TOPBP1: variants seen among roughly 807,000 people sequenced by gnomAD.
TOPBP1 encodes DNA topoisomerase 2-binding protein 1.
A neutral mutation model predicts 167.7 loss-of-function variants in TOPBP1; 28 were observed. That is an observed-to-expected ratio of 0.17 (90% confidence interval 0.12 to 0.23). The LOEUF (loss-of-function observed/expected upper bound fraction) is 0.23, where lower values mean the gene tolerates loss of function less well. Ranked by LOEUF, TOPBP1 falls within the 10% of genes least tolerant of loss-of-function variation. The pLI is 1.00. For synonymous variants in TOPBP1, 598 were observed against 611.4 expected (o/e 0.98, Z 0.32); for missense variants, 1,554 against 1,809.6 (o/e 0.86, Z 2.56).
At chr3:133,621,044 C>CA (rs1662591597) in intron 19 of TOPBP1, among the ~76,000 whole-genome samples, 1 of 152,118 alleles carries the variant, frequency 6.6e-6, no homozygotes, top group African/African-American at 2.4e-5. Flanking sequence ...CAGAGTCTTG[C>CA]TCTGTGGCCC....
chr3:133,620,220 T>A lies in TOPBP1; in HGVS notation c.3306A>T (p.Ala1102=). Residue 1102 remains alanine (A), a synonymous_variant, in exon 20 of 28, where the codon GCA becomes GCT. Coordinates refer to ENST00000260810, the MANE Select transcript of TOPBP1 (RefSeq NM_007027.4). ...AGCGAGTGCTGTCAGGGGTTGAAGA[T>A]GCGCTGTTACAACCACTTCTTGAAA... ...TSLSRSGCNS[A]SSTPDSTRSA... is the part of the protein sequence containing the mutation. 1 of 1,613,938 alleles carries A rather than the reference T, an allele frequency of 6.2e-7. No homozygotes were observed. Among genetic ancestry groups the A allele is most frequent in the Non-Finnish European group, 8.5e-7 (1 of 1,179,860 alleles).
chr3:133,639,570 A>G (rs905118806), intron 13 of TOPBP1, among the ~76,000 whole-genome samples: 8 of 152,204 alleles, frequency 5.3e-5, no homozygotes, highest in Admixed American at 3.3e-4. Flanking sequence ...CATATTGTGC[A>G]CATGTACCCC....
At chr3:133,610,878 A>C in intron 25 of TOPBP1, 126 bp downstream of exon 25, 1 of 1,089,926 alleles carries the variant, frequency 9.2e-7, no homozygotes, top group Non-Finnish European at 1.3e-6. Context: ...AAGAGCCATC[A>C]AAAATTTGGG....
In TOPBP1 at chr3:133,626,654, T is replaced by C. The variant is rs576242125; in HGVS notation, c.2804+1708A>G. On this transcript the variant is annotated intron_variant, in intron 16 of 27. Coordinates refer to ENST00000260810, the MANE Select transcript of TOPBP1 (RefSeq NM_007027.4). Reference sequence around the variant, plus strand: ...CAGATCGGTCTCAGCCTTGGGACTGTTGGATTTGTGGTGCCTTTACATAGG... The same window carrying C: ...CAGATCGGTCTCAGCCTTGGGACTGCTGGATTTGTGGTGCCTTTACATAGG... Among the ~76,000 whole-genome samples the C allele has an allele frequency of 3.3e-5, 5 of 152,270 alleles. No individual in the cohort carries two copies. In the South Asian group the frequency reaches 1.0e-3, roughly 32 times the overall value.
In TOPBP1 at chr3:133,659,108, T is replaced by C. The variant is rs756206257; in HGVS notation, c.127A>G (p.Thr43Ala). ...TTTATCTTCAATGCCTCTTCTTCTG[T>C]AATAATCTGAAGATATTCTTCTGAT... ...FQSEEYLQII[T>A]EEEALKIKEN... Residue 43 changes from threonine (T) to alanine (A), a missense_variant, in exon 3 of 28, where the codon ACA (threonine) becomes GCA (alanine). This residue lies in a region of TOPBP1 where 1,197 missense variants were observed against 1,351.5 expected (regional missense o/e 0.89). Coordinates refer to ENST00000260810, the MANE Select transcript of TOPBP1 (RefSeq NM_007027.4). The C allele has an allele frequency of 7.6e-6, 12 of 1,584,784 alleles. No individual in the cohort carries two copies. Among genetic ancestry groups the C allele is most frequent in the Admixed American group, 3.6e-5 (2 of 55,052 alleles).
intron 13 of TOPBP1, 32 bp downstream of exon 13, chr3:133,639,927 T>C: frequency 1.9e-6 from 3 of 1,588,740 alleles, no homozygotes; most frequent in Non-Finnish European, 8.6e-7. Flanking sequence ...TAGTTGTAAA[T>C]ATATATAAAA....
At chr3:133,640,631 G>A (rs932706688) in intron 12 of TOPBP1, among the ~76,000 whole-genome samples, 4 of 151,856 alleles carry the variant, frequency 2.6e-5, no homozygotes, top group African/African-American at 9.7e-5. Flanking sequence ...GCCTGGTCTC[G>A]AACTCCTGAG....
intron 24 of TOPBP1, 133 bp downstream of exon 24, chr3:133,612,256 T>A (rs547516307): frequency 3.0e-4 from 279 of 940,638 alleles, no homozygotes; most frequent in Middle Eastern, 2.5e-3. Flanking sequence ...GCCAGGCATG[T>A]CTCGAACTCC....
intron 10 of TOPBP1, among the ~76,000 whole-genome samples, chr3:133,646,651 CAAA>C (rs561099781): frequency 4.0e-5 from 4 of 100,278 alleles, no homozygotes; most frequent in African/African-American, 6.9e-5. Context: ...ACCCTGTCTC[CAAA>C]AAAAAAAAAA....
At chr3:133,653,732 C>T (rs1378816585) in intron 6 of TOPBP1, among the ~76,000 whole-genome samples, 1 of 151,416 alleles carries the variant, frequency 6.6e-6, no homozygotes, top group East Asian at 1.9e-4. Flanking sequence ...CCTGATCAAG[C>T]GATTCTCCTG....
rs547465280 is a variant in TOPBP1 at position 133,652,174 on chromosome 3, A to C, written c.1089+289T>G. Among the ~76,000 whole-genome samples, 5 of 152,314 alleles carry C rather than the reference A, an allele frequency of 3.3e-5. No homozygotes were observed. The South Asian group carries it at 8.3e-4, about 25-fold the overall frequency. ...AATCCAATAAGTTGTTCAGAAACTA[A>C]GTGCTCTCGAAATATAGCAGATGAA... On this transcript the variant is annotated intron_variant, in intron 8 of 27. Coordinates refer to ENST00000260810, the MANE Select transcript of TOPBP1 (RefSeq NM_007027.4).
At chr3:133,609,977 T>C (rs1421863344) in intron 25 of TOPBP1, among the ~76,000 whole-genome samples, 2 of 152,218 alleles carry the variant, frequency 1.3e-5, no homozygotes, top group African/African-American at 4.8e-5. Flanking sequence ...AATTAAAATA[T>C]AAAGGATTAC....
chr3:133,655,365 C>A lies in TOPBP1; in HGVS notation c.667G>T (p.Val223Phe), dbSNP rs759232474. 5 of 1,608,388 alleles carry A rather than the reference C, an allele frequency of 3.1e-6. No homozygotes were observed. Among genetic ancestry groups the A allele is most frequent in the African/African-American group, 1.3e-5 (1 of 74,656 alleles). Reference sequence around the variant, plus strand: ...CCCATGTATTGACCTCCATGCTTAACTGTGAGTTGCTGAACTTCTTTCCTG... The same window carrying A: ...CCCATGTATTGACCTCCATGCTTAAATGTGAGTTGCTGAACTTCTTTCCTG... ...LDRKEVQQLT[V>F]KHGGQYMGQL... The change falls in exon 6 of 28, where the codon GTT (valine) becomes TTT (phenylalanine). Residue 223 changes from valine (V) to phenylalanine (F), a missense_variant. Physicochemically the swap from Val to Phe is conservative, Grantham distance 50. Around this residue, in one of 3 missense-constraint regions of TOPBP1, gnomAD observed 1,197 missense variants for 1,351.5 expected, o/e 0.89. Coordinates refer to ENST00000260810, the MANE Select transcript of TOPBP1 (RefSeq NM_007027.4).
chr3:133,632,891 G>A (rs892374579), intron 14 of TOPBP1, among the ~76,000 whole-genome samples: 11 of 151,992 alleles, frequency 7.2e-5, no homozygotes, highest in Non-Finnish European at 1.3e-4. Flanking sequence ...TCCTGCCTCC[G>A]CCTACCAACT....
At position 133,628,404 on chromosome 3, in the gene TOPBP1, C is replaced by A; in HGVS notation, c.2762G>T (p.Ser921Ile). The A allele has an allele frequency of 6.2e-7, 1 of 1,609,376 alleles. No individual in the cohort carries two copies. The highest frequency in any genetic ancestry group is 1.7e-5 in the Admixed American group (1 of 59,474). ...CVSKKLSKKQSELNGIAASLG... is the reference protein window; with the variant it reads ...CVSKKLSKKQIELNGIAASLG... ...AGAGGCTGCGATCCCATTTAGTTCA[C>A]TCTGCTTCTTACTGAGTTTTTTACT... The change falls in exon 16 of 28, where the codon AGT (serine) becomes ATT (isoleucine). Residue 921 changes from serine (S) to isoleucine (I), a missense_variant. Ser to Ile is a moderately radical substitution (Grantham distance 142). This residue lies in a region of TOPBP1 where 1,197 missense variants were observed against 1,351.5 expected (regional missense o/e 0.89). Transcript: ENST00000260810.
intron 5 of TOPBP1, among the ~76,000 whole-genome samples, chr3:133,656,058 T>C (rs1219392936): frequency 6.6e-6 from 1 of 151,116 alleles, no homozygotes; most frequent in Non-Finnish European, 1.5e-5. Flanking sequence ...TACAATTCTG[T>C]GGTGTTTGGT....
intron 5 of TOPBP1, 132 bp downstream of exon 5, chr3:133,656,543 GT>G: frequency 1.2e-6 from 1 of 861,296 alleles, no homozygotes. Context: ...CTGCTCTTCC[GT>G]TTTCGCTGGA....
rs548954635 is a variant in TOPBP1, at chr3:133,657,789, A to G, written c.363+9T>C. 1.3e-6 allele frequency: 2 copies of G among 1,532,192 alleles called. No homozygotes were observed. Among genetic ancestry groups the G allele is most frequent in the African/African-American group, 2.8e-5 (2 of 70,774 alleles). 94.9% of individuals were successfully genotyped at this position (1,532,192 alleles called of 1,614,324 possible). The stretch of plus-strand genomic sequence containing the variant: ...TAAATTGATCAATCATCATGAGATC[A>G]ATATCTACCCTTTTTTCTTTTTCCA... On this transcript the variant is annotated intron_variant, in intron 4 of 27. Coordinates refer to ENST00000260810, the MANE Select transcript of TOPBP1 (RefSeq NM_007027.4).
chr3:133,624,323 G>T, intron 16 of TOPBP1, 148 bp from the exon 17 acceptor site: 2 of 887,734 alleles, frequency 2.3e-6, no homozygotes, highest in African/African-American at 1.7e-5. Context: ...ACAGGCTCAA[G>T]CCAAGTGATA....
Sources: allele counts gnomAD v4.1 joint callset (sites outside exome capture counted in the v4.1 genomes callset), GRCh38; gene constraint gnomAD v4.1.1; regional missense constraint gnomAD v4.1.1; transcripts MANE v1.5; gene names NCBI Gene and HGNC (gene_info 2026-07-23, HGNC 2026-07-21).